SERGEF: variants seen among roughly 807,000 people sequenced by gnomAD.
SERGEF encodes secretion-regulating guanine nucleotide exchange factor.
In SERGEF, 51 loss-of-function variants were observed where a neutral mutation model predicts 50.0. That is an observed-to-expected ratio of 1.02 (90% CI 0.81 to 1.29). The LOEUF is 1.29. Among genes scored for constraint, SERGEF ranks in the 50% most tolerant of loss-of-function variants. The probability of loss-of-function intolerance (pLI) is 0.00; values close to 1 mark genes in which losing one functional copy is unlikely to be tolerated. For missense variants in SERGEF, 521 were observed against 557.0 expected (o/e 0.94, Z 0.65); for synonymous variants, 205 against 212.4 (o/e 0.97, Z 0.30).
chr11:17,970,887 A>G (rs1337058096), intron 8 of SERGEF, among the ~76,000 whole-genome samples: 2 of 152,164 alleles, frequency 1.3e-5, no homozygotes, highest in African/African-American at 2.4e-5. Context: ...AGGATGGTTC[A>G]TGAGGTTTAA....
chr11:17,982,730 A>C (rs780989016), intron 8 of SERGEF, among the ~76,000 whole-genome samples: 3 of 152,214 alleles, frequency 2.0e-5, no homozygotes, highest in Non-Finnish European at 4.4e-5. Flanking sequence ...TAATGCTTAG[A>C]CATCAAATGC....
intron 10 of SERGEF, among the ~76,000 whole-genome samples, chr11:17,810,002 G>C (rs1419412851): frequency 6.6e-6 from 1 of 152,144 alleles, no homozygotes; most frequent in Non-Finnish European, 1.5e-5. Context: ...GTACCTGCTG[G>C]TTGGAGTGAG....
intron 4 of SERGEF, chr11:18,001,858 T>C (rs1052712752): frequency 1.6e-5 from 6 of 381,318 alleles, no homozygotes; most frequent in Non-Finnish European, 3.1e-5. Context: ...ATAACCCCAT[T>C]AAGGCTTACC....
chr11:17,967,231 G>T (rs191563896), intron 8 of SERGEF, among the ~76,000 whole-genome samples: 58 of 152,304 alleles, frequency 3.8e-4, no homozygotes, highest in African/African-American at 1.4e-3. Flanking sequence ...GGACCCAGGG[G>T]CCTGGCAACC....
chr11:17,918,883 T>C (rs1852102135), intron 9 of SERGEF: 2 of 343,630 alleles, frequency 5.8e-6, no homozygotes, highest in African/African-American at 2.2e-5. Flanking sequence ...GTTACAGAAC[T>C]GCAAGTTATC....
At chr11:17,887,751 A>G (rs967390191) in intron 9 of SERGEF, among the ~76,000 whole-genome samples, 3 of 152,246 alleles carry the variant, frequency 2.0e-5, no homozygotes, top group African/African-American at 7.2e-5. Context: ...GCATGTTCAT[A>G]GCAGTTTTAT....
At chr11:17,856,304 A>T (rs575242924) in intron 10 of SERGEF, 1 of 152,400 alleles carries the variant, frequency 6.6e-6, no homozygotes. Flanking sequence ...CATTTCTACC[A>T]CTAGGCCCTC....
intron 10 of SERGEF, among the ~76,000 whole-genome samples, chr11:17,858,252 A>T (rs1850861751): frequency 6.6e-6 from 1 of 152,170 alleles, no homozygotes. Flanking sequence ...AACGAACACC[A>T]CACATTTATT....
intron 10 of SERGEF, chr11:17,854,157 A>C (rs1850770994): frequency 6.6e-6 from 1 of 152,180 alleles, no homozygotes; most frequent in Non-Finnish European, 1.5e-5. Flanking sequence ...ACCCTATAGC[A>C]GGGCCACTTA....
chr11:17,835,868 T>C (rs1850388308), intron 10 of SERGEF, among the ~76,000 whole-genome samples: 1 of 152,234 alleles, frequency 6.6e-6, no homozygotes. Context: ...TTTGATATTT[T>C]ATTCTGATTA....
intron 8 of SERGEF, among the ~76,000 whole-genome samples, chr11:17,982,264 C>T (rs1471852133): frequency 2.0e-5 from 3 of 152,166 alleles, no homozygotes; most frequent in Non-Finnish European, 4.4e-5. Flanking sequence ...GAGTTCTGGT[C>T]CTAGCTCCTT....
chr11:17,998,425 A>C (rs1853882231), intron 5 of SERGEF, among the ~76,000 whole-genome samples: 1 of 11,122 alleles, frequency 9.0e-5, no homozygotes, highest in African/African-American at 3.5e-4. Context: ...TTAAAAATAC[A>C]TACATACATA....
chr11:17,863,612 A>G, intron 10 of SERGEF: 1 of 148,812 alleles, frequency 6.7e-6, no homozygotes. Flanking sequence ...CTTTGTATTC[A>G]TTCATTCATT....
At chr11:17,998,032 T>C (rs1001648112) in intron 5 of SERGEF, among the ~76,000 whole-genome samples, 2 of 152,110 alleles carry the variant, frequency 1.3e-5, no homozygotes, top group Non-Finnish European at 2.9e-5. Context: ...ACTACGTATA[T>C]TTTACCATGA....
chr11:17,788,317 A>C lies in SERGEF; in HGVS notation c.1145T>G (p.Leu382Arg). 1 of 1,614,248 alleles carries C rather than the reference A, an allele frequency of 6.2e-7. No individual in the cohort carries two copies. The highest frequency in any genetic ancestry group is 8.5e-7 in the Non-Finnish European group (1 of 1,180,036). Reference sequence around the variant, plus strand: ...GCCCACAAGGAGTCCTGACGATGACAGCAGAGCCTGCACCGGCTTTGGGGC... The same window carrying C: ...GCCCACAAGGAGTCCTGACGATGACCGCAGAGCCTGCACCGGCTTTGGGGC... ...VWAPKPVQAL[L>R]SSSGLLVGCG... Residue 382 changes from leucine (L) to arginine (R), a missense_variant, in exon 11 of 11, where the codon CTG becomes CGG. Leu to Arg is a moderately radical substitution (Grantham distance 102). Coordinates refer to ENST00000265965, the MANE Select transcript of SERGEF (RefSeq NM_012139.4).
At chr11:17,832,830 G>T (rs982280572) in intron 10 of SERGEF, among the ~76,000 whole-genome samples, 1 of 152,174 alleles carries the variant, frequency 6.6e-6, no homozygotes, top group Admixed American at 6.5e-5. Context: ...GTGAAACTTT[G>T]GAAAGAGATG....
chr11:17,826,766 T>C (rs1215684848), intron 10 of SERGEF, among the ~76,000 whole-genome samples: 1 of 152,162 alleles, frequency 6.6e-6, no homozygotes, highest in Non-Finnish European at 1.5e-5. Context: ...AATCTAAACA[T>C]CATATATGAT....
intron 9 of SERGEF, among the ~76,000 whole-genome samples, chr11:17,883,046 C>T (rs928894057): frequency 1.3e-5 from 2 of 152,168 alleles, no homozygotes; most frequent in Non-Finnish European, 2.9e-5. Flanking sequence ...TGTCTTAGTG[C>T]TTCCCAGAAA....
chr11:17,883,380 T>C (rs1425716056), intron 9 of SERGEF, among the ~76,000 whole-genome samples: 1 of 152,250 alleles, frequency 6.6e-6, no homozygotes, highest in East Asian at 1.9e-4. Flanking sequence ...ACTTTGGTTC[T>C]TAGCAGTACA....
Sources: gnomAD v4.1 joint callset for allele counts (sites outside exome capture counted in the v4.1 genomes callset) on GRCh38, gnomAD v4.1.1 for gene constraint, MANE v1.5 for transcripts, NCBI Gene and HGNC (gene_info 2026-07-23, HGNC 2026-07-21) for gene names.